The following PCDHGA10 variants were observed in gnomAD, a reference collection of about 807,000 sequenced individuals.
The protein encoded by PCDHGA10 is protocadherin gamma-A10.
In PCDHGA10, 42 loss-of-function variants were observed where a neutral mutation model predicts 59.5. The ratio of observed to expected loss-of-function variants is 0.71; its 90% confidence interval spans 0.55 to 0.91. PCDHGA10 has a LOEUF of 0.91. Among genes scored for constraint, PCDHGA10 ranks in the 40% least tolerant of loss-of-function variants. The pLI is 0.00. For missense variants in PCDHGA10, 1,111 were observed against 1,198.2 expected (o/e 0.93, Z 1.07); for synonymous variants, 511 against 517.2 (o/e 0.99, Z 0.16).
intron 1 of PCDHGA10, among the ~76,000 whole-genome samples, chr5:141,448,975 T>C (rs888432093): frequency 6.6e-6 from 1 of 151,970 alleles, no homozygotes; most frequent in African/African-American, 2.4e-5. Flanking sequence ...AAAAAAGAAC[T>C]TCCATATTAA....
In PCDHGA10 at chr5:141,477,211, C is replaced by T. The variant is rs1282763530; in HGVS notation, c.2437-17596C>T. On this transcript the variant is annotated intron_variant, in intron 1 of 3. Coordinates refer to ENST00000398610, the MANE Select transcript of PCDHGA10 (RefSeq NM_018913.3). The surrounding 1 kb of genome is among the most constrained non-coding windows in gnomAD (Gnocchi z 4.9). ...TGTACAGCCCAGTACCCGAGGATGC[C>T]CCTCTGGGGACTGTCATCGCTTTGC... 2 of 1,614,154 alleles carry T rather than the reference C, an allele frequency of 1.2e-6. No individual in the cohort carries two copies. Among genetic ancestry groups the T allele is most frequent in the East Asian group, 4.5e-5 (2 of 44,870 alleles).
chr5:141,460,983 G>A (rs12516231), intron 1 of PCDHGA10, among the ~76,000 whole-genome samples: 37,603 of 137,412 alleles, frequency 0.27, 5,103 homozygotes, highest in Admixed American at 0.34. Flanking sequence ...GTGTGTGTGT[G>A]TATATATATA....
intron 1 of PCDHGA10, among the ~76,000 whole-genome samples, chr5:141,462,783 T>C (rs1313584666): frequency 6.6e-6 from 1 of 152,236 alleles, no homozygotes; most frequent in Non-Finnish European, 1.5e-5. Flanking sequence ...CATAATTTGT[T>C]GCTTATTTGC....
At chr5:141,502,946 C>T (rs900624216) in intron 2 of PCDHGA10, among the ~76,000 whole-genome samples, 13 of 145,572 alleles carry the variant, frequency 8.9e-5, no homozygotes, top group African/African-American at 2.6e-4. Flanking sequence ...TGGGTTCAAG[C>T]GATTCTCCTG....
intron 1 of PCDHGA10, among the ~76,000 whole-genome samples, chr5:141,437,250 G>T (rs1191184272): frequency 6.6e-6 from 1 of 152,102 alleles, no homozygotes; most frequent in African/African-American, 2.4e-5. Flanking sequence ...GACTTTCCTT[G>T]TCTTTTTATG....
chr5:141,476,271 C>T lies in PCDHGA10; in HGVS notation c.2437-18536C>T. Reference sequence around the variant, plus strand: ...GGTTTCGCTGTGGGCAACGTGGTCGCGAACCTTGGTTTGGATCTCGGTAGC... The same window carrying T: ...GGTTTCGCTGTGGGCAACGTGGTCGTGAACCTTGGTTTGGATCTCGGTAGC... On this transcript the variant is annotated intron_variant, in intron 1 of 3. Coordinates refer to ENST00000398610, the MANE Select transcript of PCDHGA10 (RefSeq NM_018913.3). This position sits in a 1 kb window ranked among gnomAD's most constrained non-coding sequence, Gnocchi z 7.6. 4 of 1,613,892 alleles carry T rather than the reference C, an allele frequency of 2.5e-6. No homozygotes were observed. The highest frequency in any genetic ancestry group is 3.4e-6 in the Non-Finnish European group (4 of 1,179,974).
chr5:141,505,283 G>A, intron 2 of PCDHGA10, 110 bp from the exon 3 acceptor site: 5 of 1,547,446 alleles, frequency 3.2e-6, no homozygotes, highest in Non-Finnish European at 3.5e-6. Flanking sequence ...ACAGGTCTTG[G>A]GCATGGGGTA....
chr5:141,424,690 TA>T (rs796070231), intron 1 of PCDHGA10: 89 of 152,358 alleles, frequency 5.8e-4, no homozygotes, highest in African/African-American at 1.9e-3. Context: ...TCCTTCTGGC[TA>T]TTTTTTTGTT....
At chr5:141,455,160 GT>G (rs59530096) in intron 1 of PCDHGA10, among the ~76,000 whole-genome samples, 102 of 149,212 alleles carry the variant, frequency 6.8e-4, no homozygotes, top group East Asian at 7.9e-4. Flanking sequence ...TAGTTTGTTG[GT>G]TTTTTTTTTA....
chr5:141,473,148 C>T (rs1381616255), intron 1 of PCDHGA10, among the ~76,000 whole-genome samples: 1 of 152,184 alleles, frequency 6.6e-6, no homozygotes, highest in Non-Finnish European at 1.5e-5. Flanking sequence ...CTCTTCAGAT[C>T]ACTAGGGCTA....
At chr5:141,449,500 A>G (rs1034917703) in intron 1 of PCDHGA10, among the ~76,000 whole-genome samples, 6 of 151,300 alleles carry the variant, frequency 4.0e-5, no homozygotes, top group African/African-American at 1.5e-4. Flanking sequence ...GAGGCATGAG[A>G]AATGCTTGAA....
intron 1 of PCDHGA10, chr5:141,419,090 G>T: frequency 6.2e-7 from 1 of 1,613,922 alleles, no homozygotes; most frequent in Non-Finnish European, 8.5e-7. Flanking sequence ...TGAGGCCCTG[G>T]ATCGGGAGCA....
intron 1 of PCDHGA10, chr5:141,422,951 G>C (rs1382138030): frequency 3.7e-6 from 6 of 1,614,236 alleles, no homozygotes; most frequent in South Asian, 3.3e-5. Flanking sequence ...GGCTCCACTG[G>C]CGTGGAGCTG....
chr5:141,469,510 G>T (rs1022804863), intron 1 of PCDHGA10, among the ~76,000 whole-genome samples: 3 of 152,118 alleles, frequency 2.0e-5, no homozygotes, highest in African/African-American at 7.2e-5. Context: ...GGGAGGTGGA[G>T]GTTGCAGTGA....
Position 141,456,465 on chromosome 5 carries a change from C to T in PCDHGA10, c.2437-38342C>T, listed in dbSNP as rs553441797. ...ACAGAGTCCAAATATCAATACAAGA[C>T]ATATAAGCAAGAGAGTGCTTAATAA... On this transcript the variant is annotated intron_variant, in intron 1 of 3. Coordinates refer to ENST00000398610, the MANE Select transcript of PCDHGA10 (RefSeq NM_018913.3). 2.6e-5 allele frequency among the ~76,000 whole-genome samples: 4 copies of T among 152,212 alleles called. No homozygotes were observed. In the East Asian group the frequency reaches 7.7e-4, roughly 29 times the overall value.
chr5:141,447,064 C>T (rs1453083716), intron 1 of PCDHGA10, among the ~76,000 whole-genome samples: 1 of 152,064 alleles, frequency 6.6e-6, no homozygotes, highest in Non-Finnish European at 1.5e-5. Context: ...ATGTGTCAGG[C>T]TGTTTTAATT....
At chr5:141,470,851 A>G (rs1410012138) in intron 1 of PCDHGA10, among the ~76,000 whole-genome samples, 2 of 151,876 alleles carry the variant, frequency 1.3e-5, no homozygotes, top group Non-Finnish European at 2.9e-5. Context: ...CCATGCTCAG[A>G]TAAGTTTTTT....
intron 1 of PCDHGA10, among the ~76,000 whole-genome samples, chr5:141,450,006 CTTTTT>C (rs1554136305): frequency 1.5e-5 from 2 of 132,980 alleles, no homozygotes; most frequent in African/African-American, 2.8e-5. Flanking sequence ...TGCCATGTCT[CTTTTT>C]TTTTTTTTTT....
rs199698737 is a variant in PCDHGA10, at chr5:141,438,639, C to T, written c.2436+23028C>T. On this transcript the variant is annotated intron_variant, in intron 1 of 3. Transcript: ENST00000398610. ...ATATATATATATATATATATATACA[C>T]ACACACACACACATATATGTATATA... 7.1e-3 allele frequency among the ~76,000 whole-genome samples: 359 copies of T among 50,816 alleles called. 1 individual carries two copies. Among genetic ancestry groups the T allele is most frequent in the South Asian group, 0.017 (27 of 1,588 alleles). The allele number at this position is 50,816 out of a possible 152,430, so 33.3% of individuals were successfully genotyped here.
Sources: gnomAD v4.1 joint callset for allele counts (sites outside exome capture counted in the v4.1 genomes callset) on GRCh38, gnomAD v4.1.1 for gene constraint, Gnocchi (gnomAD v3.1) non-coding constraint, MANE v1.5 for transcripts, NCBI Gene and HGNC (gene_info 2026-07-23, HGNC 2026-07-21) for gene names.